COL18A1: variants seen among roughly 807,000 people sequenced by gnomAD.
COL18A1 encodes the protein collagen type XVIII alpha 1 chain, also known as collagen alpha-1(XVIII) chain.
In COL18A1, 133 loss-of-function variants were observed where a neutral mutation model predicts 168.0. The ratio of observed to expected loss-of-function variants is 0.79; its 90% confidence interval spans 0.69 to 0.91. The LOEUF is 0.91. Ranked by LOEUF, COL18A1 falls within the 40% of genes least tolerant of loss-of-function variation. The probability of loss-of-function intolerance (pLI) is 0.00; values close to 1 mark genes in which losing one functional copy is unlikely to be tolerated. For synonymous variants in COL18A1, 949 were observed against 809.0 expected (o/e 1.17, Z -2.94); for missense variants, 2,126 against 1,925.4 (o/e 1.10, Z -1.95).
intron 2 of COL18A1, among the ~76,000 whole-genome samples, chr21:45,458,217 G>T (rs117414719): frequency 6.6e-6 from 1 of 151,836 alleles, no homozygotes; most frequent in African/African-American, 2.4e-5. Context: ...TTGTGGATGC[G>T]CCCCAGAAGC....
At chr21:45,507,760 T>C (rs2037310414) in intron 38 of COL18A1, among the ~76,000 whole-genome samples, 167 bp downstream of exon 38, 2 of 152,178 alleles carry the variant, frequency 1.3e-5, no homozygotes, top group Admixed American at 1.3e-4. Context: ...CCCCACTACC[T>C]CTGTCTCAGC....
intron 2 of COL18A1, among the ~76,000 whole-genome samples, chr21:45,459,249 C>G (rs1037921550): frequency 2.6e-5 from 4 of 152,190 alleles, no homozygotes; most frequent in Admixed American, 6.5e-5. Flanking sequence ...CTGCCGGACC[C>G]CTATGTTGGG....
At chr21:45,501,209 T>G (rs1020010839) in intron 32 of COL18A1, among the ~76,000 whole-genome samples, 3 of 152,078 alleles carry the variant, frequency 2.0e-5, no homozygotes, top group Admixed American at 2.0e-4. Context: ...AGAAATTGAG[T>G]AATTCTACAT....
chr21:45,462,556 A>G (rs1388097925), intron 2 of COL18A1, among the ~76,000 whole-genome samples: 3 of 152,012 alleles, frequency 2.0e-5, no homozygotes, highest in Non-Finnish European at 4.4e-5. Context: ...GATGTTTTCA[A>G]TTTCAGCTAT....
At chr21:45,418,268 C>T (rs996470624) in intron 2 of COL18A1, among the ~76,000 whole-genome samples, 1 of 152,212 alleles carries the variant, frequency 6.6e-6, no homozygotes, top group African/African-American at 2.4e-5. Context: ...CATCCCGGCC[C>T]CCGGCTGCCG....
Position 45,457,062 on chromosome 21 carries a change from C to T in COL18A1, c.107-11180C>T, listed in dbSNP as rs1488514643. 6.6e-6 allele frequency among the ~76,000 whole-genome samples: 1 copy of T among 152,110 alleles called. No homozygotes were observed. The highest frequency in any genetic ancestry group is 2.4e-5 in the African/African-American group (1 of 41,408). On this transcript the variant is annotated intron_variant, in intron 2 of 41. Coordinates refer to ENST00000651438, the MANE Select transcript of COL18A1 (RefSeq NM_001379500.1). This position sits in a 1 kb window ranked among gnomAD's most constrained non-coding sequence, Gnocchi z 4.6. ...GCCTCCTGTGTGGGGAGGAGGCCGGCGTCTGGACAGGAAGAGGGCTGGATG... is the reference window on the plus strand; with the variant it reads ...GCCTCCTGTGTGGGGAGGAGGCCGGTGTCTGGACAGGAAGAGGGCTGGATG...
Position 45,477,828 on chromosome 21 carries a change from C to T in COL18A1, c.1084C>T (p.Leu362=). The T allele has an allele frequency of 1.3e-6, 2 of 1,552,760 alleles. No individual in the cohort carries two copies. Among genetic ancestry groups the T allele is most frequent in the African/African-American group, 1.4e-5 (1 of 73,334 alleles). ...GRAGPPGSPC[L]PGPPGLPCPV... ...GGCAGGCCCCCCAGGATCCCCATGC[C>T]TACCTGGTCCCCCGGGTCTCCCGTG... Residue 362 remains leucine (L), a synonymous_variant, in exon 8 of 42, where the codon CTA becomes TTA. Coordinates refer to ENST00000651438, the MANE Select transcript of COL18A1 (RefSeq NM_001379500.1).
intron 2 of COL18A1, chr21:45,456,253 C>CT (rs1385756076): frequency 8.3e-6 from 13 of 1,569,394 alleles, no homozygotes; most frequent in Non-Finnish European, 1.1e-5. Flanking sequence ...GCCAAGGACT[C>CT]TCGCCCGCCG....
chr21:45,511,090 T>TTC, intron 40 of COL18A1, 21 bp from the exon 41 acceptor site: 1 of 1,171,658 alleles, frequency 8.5e-7, no homozygotes, highest in Non-Finnish European at 1.2e-6. Context: ...CACACACACA[T>TTC]ACACACGGTT....
chr21:45,424,037 G>A (rs1248525801), intron 2 of COL18A1: 2 of 152,432 alleles, frequency 1.3e-5, no homozygotes, highest in African/African-American at 2.4e-5. Flanking sequence ...CAGGGTGCTG[G>A]GCAGTGCTGC....
chr21:45,509,527 A>C lies in COL18A1; in HGVS notation c.3421A>C (p.Ser1141Arg), dbSNP rs748677532. ...PQPYPGAPHH[S>R]SYVHLRPARP... is the part of the protein sequence containing the mutation. ...GCCCTACCCCGGAGCCCCGCACCAC[A>C]GCTCCTACGTGCACCTGCGGCCGGC... The change falls in exon 39 of 42, where the codon AGC becomes CGC. Residue 1141 changes from serine to arginine, a missense_variant. Transcript: ENST00000651438. 1 of 1,536,538 alleles carries C rather than the reference A, an allele frequency of 6.5e-7. No homozygotes were observed. The highest frequency in any genetic ancestry group is 2.4e-5 in the East Asian group (1 of 41,800).
chr21:45,492,495 C>G (rs746877767), intron 22 of COL18A1, 40 bp from the exon 23 acceptor site: 5 of 1,612,872 alleles, frequency 3.1e-6, no homozygotes, highest in Non-Finnish European at 4.2e-6. Context: ...ATTTTAAACG[C>G]GGCTCTTTGT....
At position 45,466,260 on chromosome 21, in the gene COL18A1, G is replaced by A. The variant is rs576808878; in HGVS notation, c.107-1982G>A. ...CCAGAGGTACCCGCTGCTCTCCTGC[G>A]GGGAGGATGCTGGCTGCACTGTCTG... On this transcript the variant is annotated intron_variant, in intron 2 of 41. Coordinates refer to ENST00000651438, the MANE Select transcript of COL18A1 (RefSeq NM_001379500.1). Among the ~76,000 whole-genome samples, 4 of 152,310 alleles carry A rather than the reference G, an allele frequency of 2.6e-5. No individual in the cohort carries two copies. In the East Asian group the frequency reaches 5.8e-4, roughly 22 times the overall value.
chr21:45,472,657 G>A (rs1030452675), intron 3 of COL18A1, among the ~76,000 whole-genome samples: 4 of 152,060 alleles, frequency 2.6e-5, no homozygotes, highest in Non-Finnish European at 5.9e-5. Flanking sequence ...CCACGGTGCT[G>A]CCCCTGGCCG....
chr21:45,496,958 G>T, intron 30 of COL18A1, 92 bp from the exon 31 acceptor site: 1 of 833,518 alleles, frequency 1.2e-6, no homozygotes, highest in Non-Finnish European at 2.1e-6. Context: ...TCATACAGGG[G>T]CTGGTGCTTC....
At chr21:45,456,358 G>A (rs780945725) in intron 2 of COL18A1, 18 of 1,550,100 alleles carry the variant, frequency 1.2e-5, no homozygotes, top group Admixed American at 9.8e-5. Flanking sequence ...GCAAGCACGC[G>A]GCCCCCTCCG....
At chr21:45,445,497 T>G (rs190517625) in intron 2 of COL18A1, among the ~76,000 whole-genome samples, 146 of 152,346 alleles carry the variant, frequency 9.6e-4, no homozygotes, top group Non-Finnish European at 1.7e-3. Flanking sequence ...ACTGGGACTA[T>G]GGTAACTGTG....
At chr21:45,465,974 A>C (rs947710065) in intron 2 of COL18A1, among the ~76,000 whole-genome samples, 1 of 152,056 alleles carries the variant, frequency 6.6e-6, no homozygotes, top group African/African-American at 2.4e-5. Context: ...TGGAGAGCCC[A>C]GTTTGGGGAG....
intron 37 of COL18A1, chr21:45,506,968 G>T: frequency 3.7e-6 from 1 of 270,706 alleles, no homozygotes. Context: ...TGCCAGGTGT[G>T]CTTGTAGGCA....
Sources: allele counts gnomAD v4.1 joint callset (sites outside exome capture counted in the v4.1 genomes callset), GRCh38; gene constraint gnomAD v4.1.1; non-coding constraint Gnocchi (gnomAD v3.1); transcripts MANE v1.5; gene names NCBI Gene and HGNC (gene_info 2026-07-23, HGNC 2026-07-21).